SLIT3: variants seen among roughly 807,000 people sequenced by gnomAD.
SLIT3 encodes slit guidance ligand 3.
SLIT3 carries 68 observed loss-of-function variants against 184.0 expected under a neutral mutation model. The observed-to-expected ratio is 0.37, with a 90% CI of 0.30 to 0.45. SLIT3 has a LOEUF of 0.45. Ranked by LOEUF, SLIT3 falls within the 20% of genes least tolerant of loss-of-function variation. The probability of loss-of-function intolerance (pLI) is 1.00; values close to 1 mark genes in which losing one functional copy is unlikely to be tolerated. For missense variants in SLIT3, 1,707 were observed against 2,026.0 expected, an observed-to-expected ratio of 0.84 and a Z score of 3.02; for synonymous variants, 831 against 828.6, an observed-to-expected ratio of 1.00 and a Z score of -0.05.
chr5:168,886,095 A>G (rs140945697), intron 4 of SLIT3, among the ~76,000 whole-genome samples: 2 of 152,314 alleles, frequency 1.3e-5, no homozygotes, highest in Admixed American at 6.5e-5. Flanking sequence ...CTCCTGTCCC[A>G]ATTGAGCAAA....
intron 4 of SLIT3, among the ~76,000 whole-genome samples, chr5:169,027,710 T>C (rs1192908892): frequency 6.6e-6 from 1 of 152,214 alleles, no homozygotes; most frequent in Non-Finnish European, 1.5e-5. Flanking sequence ...GGGACGTCAC[T>C]TGGCCGCAGC....
intron 4 of SLIT3, among the ~76,000 whole-genome samples, chr5:169,179,219 A>T (rs191806808): frequency 2.0e-5 from 3 of 152,248 alleles, no homozygotes; most frequent in East Asian, 1.9e-4. Context: ...CAAGAAAAAA[A>T]AATAATTTGG....
intron 1 of SLIT3, among the ~76,000 whole-genome samples, chr5:169,299,601 G>C (rs1355756617): frequency 6.6e-6 from 1 of 151,940 alleles, no homozygotes; most frequent in Non-Finnish European, 1.5e-5. Flanking sequence ...CCCCAACTGC[G>C]GACTAAGAGG....
rs1760873849 is a variant in SLIT3, at chr5:168,662,144, G to T, written c.*4310C>A. Reference sequence around the variant, plus strand: ...CTGTGGGGTAGCAGGAAGAACTTTGGCCTGGGTGGACACATGGGGTTAATT... The same window carrying T: ...CTGTGGGGTAGCAGGAAGAACTTTGTCCTGGGTGGACACATGGGGTTAATT... On this transcript the variant is annotated 3_prime_UTR_variant, in exon 36 of 36. Transcript: ENST00000519560. The T allele has an allele frequency of 6.6e-6, 1 of 152,194 alleles. No homozygotes were observed. Among genetic ancestry groups the T allele is most frequent in the Non-Finnish European group, 1.5e-5 (1 of 68,042 alleles). The allele number at this position is 152,194 out of a possible 1,614,324, so 9.4% of individuals were successfully genotyped here. A position where few individuals can be genotyped will look rare whatever the true frequency, so the allele number is the denominator to read the frequency against.
chr5:168,929,864 G>T (rs533340125), intron 4 of SLIT3, among the ~76,000 whole-genome samples: 12 of 152,214 alleles, frequency 7.9e-5, no homozygotes, highest in South Asian at 2.1e-4. Context: ...CAGAGGAGGC[G>T]GGTGTTTCCC....
chr5:169,093,741 C>T (rs181652067), intron 4 of SLIT3, among the ~76,000 whole-genome samples: 212 of 152,252 alleles, frequency 1.4e-3, no homozygotes, highest in African/African-American at 4.8e-3. Context: ...TAAGCTGATG[C>T]TCCATTCATT....
intron 4 of SLIT3, among the ~76,000 whole-genome samples, chr5:168,931,976 C>T (rs1761999269): frequency 6.6e-6 from 1 of 152,048 alleles, no homozygotes. Context: ...GAAGGGAATC[C>T]TAGCTCCCTC....
chr5:168,957,229 C>CAAAA (rs369179350), intron 4 of SLIT3, among the ~76,000 whole-genome samples: 1 of 121,464 alleles, frequency 8.2e-6, no homozygotes, highest in African/African-American at 3.0e-5. Context: ...AAGTCTGTCT[C>CAAAA]AAAAAAAAAA....
chr5:169,230,967 C>T (rs1457333778), intron 3 of SLIT3, among the ~76,000 whole-genome samples: 1 of 152,094 alleles, frequency 6.6e-6, no homozygotes, highest in Admixed American at 6.5e-5. Context: ...TTTCATTTTG[C>T]TACATTTGTT....
intron 4 of SLIT3, among the ~76,000 whole-genome samples, chr5:169,056,356 G>A (rs745745264): frequency 5.5e-4 from 83 of 152,096 alleles, no homozygotes; most frequent in Non-Finnish European, 1.0e-3. Context: ...CAATTATTAT[G>A]CCAGTTTTTG....
At chr5:169,197,612 T>C (rs1464715891) in intron 3 of SLIT3, among the ~76,000 whole-genome samples, 2 of 151,376 alleles carry the variant, frequency 1.3e-5, no homozygotes, top group Non-Finnish European at 3.0e-5. Context: ...TCTCCTGCCA[T>C]AGTTCAAGCT....
chr5:168,672,122 A>G (rs1761271673), intron 33 of SLIT3, among the ~76,000 whole-genome samples: 1 of 152,082 alleles, frequency 6.6e-6, no homozygotes, highest in Non-Finnish European at 1.5e-5. Context: ...CCCACCTTCT[A>G]TAGTTGAGAG....
intron 35 of SLIT3, among the ~76,000 whole-genome samples, chr5:168,668,448 A>G (rs1342334236): frequency 6.6e-6 from 1 of 152,240 alleles, no homozygotes; most frequent in Non-Finnish European, 1.5e-5. Flanking sequence ...AAGGGCCAAC[A>G]GCTGGAAAAG....
At chr5:169,047,092 C>T (rs1327967080) in intron 4 of SLIT3, among the ~76,000 whole-genome samples, 1 of 152,136 alleles carries the variant, frequency 6.6e-6, no homozygotes, top group Non-Finnish European at 1.5e-5. Flanking sequence ...AAAAACCCCA[C>T]AACAATGCAT....
At chr5:169,080,918 A>C (rs959861527) in intron 4 of SLIT3, among the ~76,000 whole-genome samples, 7 of 152,196 alleles carry the variant, frequency 4.6e-5, no homozygotes, top group African/African-American at 1.7e-4. Context: ...TTTAAAGAAA[A>C]AAGAAAAAAA....
chr5:168,779,014 G>GACCAGGTGAACCACAGCC (rs1349069797), intron 12 of SLIT3, among the ~76,000 whole-genome samples: 1 of 152,206 alleles, frequency 6.6e-6, no homozygotes. Flanking sequence ...GAGATGATCC[G>GACCAGGTGAACCACAGCC]ACCAGGTGAA....
At chr5:169,031,106 G>T (rs901273727) in intron 4 of SLIT3, among the ~76,000 whole-genome samples, 2 of 152,198 alleles carry the variant, frequency 1.3e-5, no homozygotes, top group African/African-American at 4.8e-5. Flanking sequence ...TCAGGTGTAA[G>T]CAGTGGCTTC....
chr5:168,829,923 T>C (rs1037295858), intron 6 of SLIT3, among the ~76,000 whole-genome samples: 3 of 152,112 alleles, frequency 2.0e-5, no homozygotes, highest in Non-Finnish European at 4.4e-5. Context: ...GGAATGAAAC[T>C]GGGGACACTA....
chr5:169,168,027 T>C (rs2113409875), intron 4 of SLIT3, among the ~76,000 whole-genome samples: 1 of 152,326 alleles, frequency 6.6e-6, no homozygotes, highest in South Asian at 2.1e-4. Context: ...TGAACTTTCA[T>C]GTTCTGTTGA....
Sources: allele counts gnomAD v4.1 joint callset (sites outside exome capture counted in the v4.1 genomes callset), GRCh38; gene constraint gnomAD v4.1.1; transcripts MANE v1.5; gene names NCBI Gene and HGNC (gene_info 2026-07-23, HGNC 2026-07-21).